KCNK2: variants seen among roughly 807,000 people sequenced by gnomAD.
KCNK2 encodes potassium two pore domain channel subfamily K member 2.
In KCNK2, 21 loss-of-function variants were observed where a neutral mutation model predicts 40.5. The ratio of observed to expected loss-of-function variants is 0.52; its 90% CI spans 0.37 to 0.75. The LOEUF is 0.75. Ranked by LOEUF, KCNK2 falls within the 30% of genes least tolerant of loss-of-function variation. KCNK2 has a pLI of 0.00. For synonymous variants in KCNK2, 191 were observed against 202.2 expected (o/e 0.94, Z 0.47); for missense variants, 399 against 531.6 (o/e 0.75, Z 2.45).
chr1:215,006,460 G>A (rs943375934), intron 1 of KCNK2, among the ~76,000 whole-genome samples: 1 of 152,150 alleles, frequency 6.6e-6, no homozygotes, highest in Admixed American at 6.6e-5. Context: ...GAAAAGGTAC[G>A]ATAGTTTAAA....
chr1:215,081,177 G>C (rs1659141904), upstream of KCNK2, among the ~76,000 whole-genome samples: 1 of 151,078 alleles, frequency 6.6e-6, no homozygotes, highest in Admixed American at 6.6e-5. Context: ...GTGTGTGTGT[G>C]TGTGTGTGTG....
At chr1:215,010,866 T>TGTGTG (rs1396386615) in intron 1 of KCNK2, among the ~76,000 whole-genome samples, 2 of 142,796 alleles carry the variant, frequency 1.4e-5, no homozygotes, top group African/African-American at 2.6e-5. Context: ...TTTTTTTTTT[T>TGTGTG]TTTGTGTGTG....
At chr1:215,050,940 C>T (rs1306221828) in intron 1 of KCNK2, among the ~76,000 whole-genome samples, 1 of 152,044 alleles carries the variant, frequency 6.6e-6, no homozygotes, top group Non-Finnish European at 1.5e-5. Flanking sequence ...TTAACAGGGG[C>T]TTATTATTGG....
rs1208877243 is a variant in KCNK2 at position 215,190,674 on chromosome 1, C to T, written c.824-4279C>T. Among the ~76,000 whole-genome samples, 3 of 152,132 alleles carry T rather than the reference C, an allele frequency of 2.0e-5. No individual in the cohort carries two copies. The East Asian group carries it at 5.8e-4, about 29-fold the overall frequency. On this transcript the variant is annotated intron_variant, in intron 5 of 6. Coordinates refer to ENST00000444842, the MANE Select transcript of KCNK2 (RefSeq NM_001017425.3). The stretch of plus-strand genomic sequence containing the variant: ...TCCAAAGAGACCATGAGAGTGATGG[C>T]AATTGGATCATCAGCTTTATTGCTG...
intron 5 of KCNK2, among the ~76,000 whole-genome samples, chr1:215,176,299 A>T (rs746682812): frequency 1.3e-5 from 2 of 151,972 alleles, no homozygotes; most frequent in African/African-American, 4.8e-5. Flanking sequence ...TCTTCTTTTG[A>T]TAAGTGTCTG....
chr1:215,209,517 TATA>T (rs1423443917), intron 6 of KCNK2, among the ~76,000 whole-genome samples: 1 of 4,438 alleles, frequency 2.3e-4, no homozygotes, highest in East Asian at 0.014. Context: ...ATATATAAAA[TATA>T]ATATATATAT....
intron 6 of KCNK2, among the ~76,000 whole-genome samples, chr1:215,199,503 T>C (rs1216692910): frequency 1.3e-5 from 2 of 152,186 alleles, no homozygotes; most frequent in Non-Finnish European, 2.9e-5. Flanking sequence ...ATAATTATAG[T>C]TGATCTGCAT....
chr1:215,227,284 T>C (rs1666421622), intron 6 of KCNK2, among the ~76,000 whole-genome samples: 1 of 152,180 alleles, frequency 6.6e-6, no homozygotes, highest in Non-Finnish European at 1.5e-5. Flanking sequence ...TAGCAAATGA[T>C]TCTAATGTAT....
intron 6 of KCNK2, among the ~76,000 whole-genome samples, chr1:215,233,794 C>T (rs1012156235): frequency 2.0e-5 from 3 of 152,000 alleles, no homozygotes; most frequent in Non-Finnish European, 2.9e-5. Flanking sequence ...TTATTTTAAG[C>T]GACAGTCTAG....
At chr1:215,084,341 T>G (rs923386939) in intron 1 of KCNK2, among the ~76,000 whole-genome samples, 7 of 152,190 alleles carry the variant, frequency 4.6e-5, no homozygotes, top group Non-Finnish European at 1.0e-4. Flanking sequence ...TTTCTGGTTC[T>G]GCAGAGTGTA....
intron 2 of KCNK2, among the ~76,000 whole-genome samples, chr1:215,102,931 G>T (rs1660284907): frequency 6.6e-6 from 1 of 151,948 alleles, no homozygotes; most frequent in African/African-American, 2.4e-5. Flanking sequence ...GCATTTTTCA[G>T]AACAGACCCC....
chr1:215,203,220 A>G (rs1420363457), intron 6 of KCNK2, among the ~76,000 whole-genome samples: 1 of 152,226 alleles, frequency 6.6e-6, no homozygotes, highest in African/African-American at 2.4e-5. Flanking sequence ...TTTCAAGTGA[A>G]AAGAAATGAT....
chr1:215,028,364 G>A (rs182695635), intron 1 of KCNK2, among the ~76,000 whole-genome samples: 1 of 151,908 alleles, frequency 6.6e-6, no homozygotes, highest in Admixed American at 6.6e-5. Context: ...CAGCCTGGGC[G>A]ACAAGGGCAA....
intron 3 of KCNK2, among the ~76,000 whole-genome samples, chr1:215,159,659 G>A (rs1663105735): frequency 1.3e-5 from 2 of 151,990 alleles, no homozygotes; most frequent in Admixed American, 1.3e-4. Context: ...AGCAGTATTT[G>A]CATTTTTGTT....
At chr1:215,205,837 A>G (rs1444597314) in intron 6 of KCNK2, among the ~76,000 whole-genome samples, 1 of 152,222 alleles carries the variant, frequency 6.6e-6, no homozygotes, top group Admixed American at 6.5e-5. Flanking sequence ...CAAGGATAAT[A>G]TTATTATTTT....
chr1:215,196,599 T>A (rs1664876258), intron 6 of KCNK2, among the ~76,000 whole-genome samples: 1 of 152,200 alleles, frequency 6.6e-6, no homozygotes, highest in Non-Finnish European at 1.5e-5. Context: ...CACTATAATT[T>A]AAACTGTATG....
intron 3 of KCNK2, among the ~76,000 whole-genome samples, chr1:215,166,033 C>A (rs1663428713): frequency 6.6e-6 from 1 of 152,008 alleles, no homozygotes; most frequent in Non-Finnish European, 1.5e-5. Context: ...TTATTGTAAA[C>A]CGTGGAATTT....
chr1:215,009,063 G>GCCAA (rs1459858763), intron 1 of KCNK2, among the ~76,000 whole-genome samples: 5 of 152,046 alleles, frequency 3.3e-5, no homozygotes, highest in Admixed American at 1.3e-4. Context: ...AGCCACTGTA[G>GCCAA]CCAACAAAGT....
At chr1:215,162,133 G>T (rs1663228114) in intron 3 of KCNK2, among the ~76,000 whole-genome samples, 1 of 152,122 alleles carries the variant, frequency 6.6e-6, no homozygotes, top group African/African-American at 2.4e-5. Flanking sequence ...ATATGACATG[G>T]TATCTCATTG....
Sources: gnomAD v4.1 joint callset for allele counts (sites outside exome capture counted in the v4.1 genomes callset) on GRCh38, gnomAD v4.1.1 for gene constraint, MANE v1.5 for transcripts, NCBI Gene and HGNC (gene_info 2026-07-23, HGNC 2026-07-21) for gene names.